The following UBE3B variants were observed in gnomAD, a reference collection of about 807,000 sequenced individuals.
UBE3B encodes the protein ubiquitin-protein ligase E3B.
A neutral mutation model predicts 132.3 loss-of-function variants in UBE3B; 80 were observed. The ratio of observed to expected loss-of-function variants is 0.60; its 90% CI spans 0.50 to 0.73. The LOEUF is 0.73. UBE3B is among the 30% of genes least tolerant of loss of function. UBE3B has a pLI of 0.00. For synonymous variants in UBE3B, 487 were observed against 520.4 expected (o/e 0.94, Z 0.87); for missense variants, 1,196 against 1,362.5 (o/e 0.88, Z 1.92).
At chr12:109,483,234 T>C (rs752731691) in intron 2 of UBE3B, among the ~76,000 whole-genome samples, 1 of 152,220 alleles carries the variant, frequency 6.6e-6, no homozygotes, top group South Asian at 2.1e-4. Flanking sequence ...ATTCATTCTT[T>C]GTTCATTCGT....
At chr12:109,480,497 A>T (rs1230228390) in intron 1 of UBE3B, among the ~76,000 whole-genome samples, 1 of 152,110 alleles carries the variant, frequency 6.6e-6, no homozygotes, top group Non-Finnish European at 1.5e-5. Flanking sequence ...CAAAAAATTT[A>T]AAAACTAGCC....
intron 19 of UBE3B, among the ~76,000 whole-genome samples, chr12:109,517,384 AC>A (rs1401411523): frequency 5.3e-5 from 8 of 152,296 alleles, no homozygotes; most frequent in Middle Eastern, 6.8e-3. Flanking sequence ...CACTGAAGTG[AC>A]CCACCTGAGC....
At chr12:109,500,104 A>C (rs1283646579) in intron 12 of UBE3B, among the ~76,000 whole-genome samples, 1 of 152,180 alleles carries the variant, frequency 6.6e-6, no homozygotes. Context: ...CCATTCAGCT[A>C]TGGACCTTAT....
the UBE3B span, among the ~76,000 whole-genome samples, chr12:109,543,621 TCAGGAG>T: frequency 6.6e-6 from 1 of 152,170 alleles, no homozygotes; most frequent in Non-Finnish European, 1.5e-5. Context: ...TGACTTGAAG[TCAGGAG>T]TTCGAGACCA....
At chr12:109,503,297 C>T in intron 14 of UBE3B, 107 bp downstream of exon 14, 1 of 1,437,614 alleles carries the variant, frequency 7.0e-7, no homozygotes, top group Non-Finnish European at 9.3e-7. Context: ...AAAATAGATT[C>T]TGAAGGAGGG....
At chr12:109,510,116 G>C (rs746130124) in intron 16 of UBE3B, among the ~76,000 whole-genome samples, 1 of 152,278 alleles carries the variant, frequency 6.6e-6, no homozygotes, top group South Asian at 2.1e-4. Context: ...AGGCCCTTCG[G>C]ATGACACACT....
intron 18 of UBE3B, among the ~76,000 whole-genome samples, chr12:109,512,677 C>T (rs1046015453): frequency 2.0e-5 from 3 of 152,106 alleles, no homozygotes; most frequent in African/African-American, 7.2e-5. Context: ...TTCATCCTCA[C>T]TGCTGTCTGA....
rs536720386 is a variant in UBE3B, at chr12:109,532,815, AT to A, written c.2923-646del. Among the ~76,000 whole-genome samples, 1,114 of 152,206 alleles carry A rather than the reference AT, an allele frequency of 7.3e-3. 11 individuals carry two copies. The highest frequency in any genetic ancestry group is 0.026 in the African/African-American group (1,082 of 41,524). On this transcript the variant is annotated intron_variant, in intron 26 of 27. Transcript: ENST00000342494. ...GCAGCCTCACTGGCTCTGGGGCCTC[AT>A]TTTTGTCAGTGTGCTGAGAGGTTAT...
chr12:109,500,748 T>G (rs926361806), intron 12 of UBE3B, among the ~76,000 whole-genome samples: 1 of 152,134 alleles, frequency 6.6e-6, no homozygotes, highest in African/African-American at 2.4e-5. Flanking sequence ...TGGGGATAAT[T>G]TTCACCCTCC....
chr12:109,533,224 C>A (rs186148953), intron 26 of UBE3B, among the ~76,000 whole-genome samples: 20 of 152,314 alleles, frequency 1.3e-4, no homozygotes, highest in Non-Finnish European at 2.4e-4. Flanking sequence ...TCACAAGTGG[C>A]CAGTCGCACC....
chr12:109,489,021 A>G (rs1307986840), intron 7 of UBE3B, among the ~76,000 whole-genome samples: 1 of 152,224 alleles, frequency 6.6e-6, no homozygotes, highest in African/African-American at 2.4e-5. Flanking sequence ...TATTTTGCCC[A>G]TAAAATTTGC....
At chr12:109,508,739 T>C in intron 15 of UBE3B, 2 of 985,404 alleles carry the variant, frequency 2.0e-6, no homozygotes, top group South Asian at 9.4e-5. Flanking sequence ...GAGTGAATCT[T>C]ATTCTAGTGT....
At chr12:109,513,465 AT>A (rs1880616817) in intron 18 of UBE3B, among the ~76,000 whole-genome samples, 1 of 152,198 alleles carries the variant, frequency 6.6e-6, no homozygotes, top group East Asian at 1.9e-4. Flanking sequence ...AATATTTTAT[AT>A]TTCAAAGTAT....
At position 109,534,455 on chromosome 12, in the gene UBE3B, G is replaced by A; in HGVS notation, c.3016-136G>A. Reference sequence around the variant, plus strand: ...CTGGGGCTTGACCTCGGGTAGTGGTGCCAGGGCAGCGCCCTGCACTCTGCC... The same window carrying A: ...CTGGGGCTTGACCTCGGGTAGTGGTACCAGGGCAGCGCCCTGCACTCTGCC... On this transcript the variant is annotated intron_variant, in intron 27 of 27. Transcript: ENST00000342494. The surrounding 1 kb of genome is among the most constrained non-coding windows in gnomAD (Gnocchi z 5.2). 6.9e-7 allele frequency: 1 copy of A among 1,440,504 alleles called. No individual in the cohort carries two copies. 89.2% of individuals were successfully genotyped at this position (1,440,504 alleles called of 1,614,324 possible). A position where few individuals can be genotyped will look rare whatever the true frequency, so the allele number is the denominator to read the frequency against.
rs998083018 is a variant in UBE3B, at chr12:109,535,087, G to C, written c.*305G>C. The stretch of plus-strand genomic sequence containing the variant: ...TTTTAGCTAGTTTGATCTTTTGGGA[G>C]TCTGTCTTTCCTTAGCCGTCTGAGT... On this transcript the variant is annotated 3_prime_UTR_variant, in exon 28 of 28. Transcript: ENST00000342494. 2.6e-5 allele frequency: 7 copies of C among 269,176 alleles called. No individual in the cohort carries two copies. The Admixed American group carries it at 2.6e-4, about 10-fold the overall frequency. The allele number at this position is 269,176 out of a possible 1,614,324, so 16.7% of individuals were successfully genotyped here. A position where few individuals can be genotyped will look rare whatever the true frequency, so the allele number is the denominator to read the frequency against.
chr12:109,539,088 G>T (rs2004359), downstream of UBE3B, among the ~76,000 whole-genome samples: 86,600 of 151,862 alleles, frequency 0.57, 25,788 homozygotes, highest in African/African-American at 0.74. Context: ...ATACAAAAAT[G>T]ACCTGGGTGT....
Position 109,534,344 on chromosome 12 carries a change from T to C in UBE3B, c.3016-247T>C, listed in dbSNP as rs1883253609. ...ATTCGCTGTGAACCGGAAGGCCCCA[T>C]TTCCAAAAGCTTACTTAGTGCAGGA... On this transcript the variant is annotated intron_variant, in intron 27 of 27. Transcript: ENST00000342494. The surrounding 1 kb of genome is among the most constrained non-coding windows in gnomAD (Gnocchi z 5.2). The C allele has an allele frequency of 1.4e-6, 2 of 1,411,356 alleles. No individual in the cohort carries two copies. The highest frequency in any genetic ancestry group is 1.8e-6 in the Non-Finnish European group (2 of 1,088,528). The allele number at this position is 1,411,356 out of a possible 1,614,324, so 87.4% of individuals were successfully genotyped here. A position where few individuals can be genotyped will look rare whatever the true frequency, so the allele number is the denominator to read the frequency against.
At chr12:109,541,819 T>C in the UBE3B span, among the ~76,000 whole-genome samples, 2 of 152,158 alleles carry the variant, frequency 1.3e-5, no homozygotes, top group Non-Finnish European at 2.9e-5. Context: ...TGTAACTGTA[T>C]CACTCCCATC....
rs368097236 is a variant in UBE3B, at chr12:109,530,647, A to G, written c.2911A>G (p.Met971Val). 6.2e-6 allele frequency: 10 copies of G among 1,614,180 alleles called. No homozygotes were observed. In the Admixed American group the frequency reaches 8.3e-5, roughly 13 times the overall value. ...CGACTTCACACCGGATGAGAGAGCT[A>G]TGTTTCTGAAGGTATTTTATTTATT... ...ASDFTPDERA[M>V]FLKFVTSCSR... is the part of the protein sequence containing the mutation. The change falls in exon 26 of 28, where the codon ATG becomes GTG. Residue 971 changes from methionine to valine, a missense_variant. Physicochemically the swap from Met to Val is conservative, Grantham distance 21 (BLOSUM62 1). Coordinates refer to ENST00000342494, the MANE Select transcript of UBE3B (RefSeq NM_130466.4).
Sources: allele counts gnomAD v4.1 joint callset (sites outside exome capture counted in the v4.1 genomes callset), GRCh38; gene constraint gnomAD v4.1.1; non-coding constraint Gnocchi (gnomAD v3.1); transcripts MANE v1.5; gene names NCBI Gene and HGNC (gene_info 2026-07-23, HGNC 2026-07-21).